XIRP2: variants seen among roughly 807,000 people sequenced by gnomAD.
XIRP2 encodes xin actin-binding repeat-containing protein 2.
A neutral mutation model predicts 277.0 loss-of-function variants in XIRP2; 236 were observed. The ratio of observed to expected loss-of-function variants is 0.85; its 90% CI spans 0.77 to 0.95. XIRP2 has a LOEUF of 0.95. Among genes scored for constraint, XIRP2 ranks in the 40% least tolerant of loss-of-function variants. The pLI, the probability that XIRP2 is intolerant of heterozygous loss-of-function variation, is 0.00. For missense variants in XIRP2, 4,640 were observed against 4,157.5 expected, an observed-to-expected ratio of 1.12 and a Z score of -3.19; for synonymous variants, 1,490 against 1,416.5, an observed-to-expected ratio of 1.05 and a Z score of -1.17.
At chr2:167,011,189 T>A (rs997843081) in intron 2 of XIRP2, among the ~76,000 whole-genome samples, 159 of 151,186 alleles carry the variant, frequency 1.1e-3, no homozygotes, top group Middle Eastern at 3.4e-3. Context: ...GCCCATTCAG[T>A]ATGATATTGG....
chr2:167,015,979 C>G (rs780516286), intron 2 of XIRP2, among the ~76,000 whole-genome samples: 1 of 151,836 alleles, frequency 6.6e-6, no homozygotes, highest in Non-Finnish European at 1.5e-5. Flanking sequence ...ATCCAACTCT[C>G]TCTTCCATAA....
At chr2:167,113,889 C>T (rs1690826077) in intron 2 of XIRP2, among the ~76,000 whole-genome samples, 1 of 152,170 alleles carries the variant, frequency 6.6e-6, no homozygotes, top group Non-Finnish European at 1.5e-5. Context: ...ATTTCTCCTT[C>T]ACTTATGAAG....
intron 2 of XIRP2, among the ~76,000 whole-genome samples, chr2:167,020,267 A>G (rs1574170224): frequency 6.6e-6 from 1 of 152,032 alleles, no homozygotes. Flanking sequence ...AAGTTTATGA[A>G]TGAATTTTGT....
At chr2:167,087,199 G>A (rs898298009) in intron 2 of XIRP2, among the ~76,000 whole-genome samples, 1 of 152,168 alleles carries the variant, frequency 6.6e-6, no homozygotes, top group Admixed American at 6.5e-5. Context: ...GGAATACCCT[G>A]CCGTGTGAGG....
At chr2:166,907,849 G>A (rs1231933442) in intron 2 of XIRP2, among the ~76,000 whole-genome samples, 1 of 143,672 alleles carries the variant, frequency 7.0e-6, no homozygotes, top group Non-Finnish European at 1.5e-5. Flanking sequence ...CCACCTATGA[G>A]TGAGAACATG....
intron 4 of XIRP2, among the ~76,000 whole-genome samples, 193 bp downstream of exon 4, chr2:167,211,088 T>C (rs73029720): frequency 0.079 from 12,020 of 152,226 alleles, 621 homozygotes; most frequent in East Asian, 0.23. Context: ...TGTGTGAATC[T>C]GAACTACTAT....
At chr2:166,913,315 C>CCA (rs1574073717) in intron 2 of XIRP2, among the ~76,000 whole-genome samples, 1 of 130,502 alleles carries the variant, frequency 7.7e-6, no homozygotes, top group Non-Finnish European at 1.7e-5. Flanking sequence ...TGGGCACCCC[C>CCA]CCCCCCCAGC....
At chr2:166,998,427 G>A (rs1342822087) in intron 2 of XIRP2, among the ~76,000 whole-genome samples, 1 of 152,054 alleles carries the variant, frequency 6.6e-6, no homozygotes, top group East Asian at 1.9e-4. Context: ...CGCAAGGTCA[G>A]GAGATCGAGA....
intron 2 of XIRP2, among the ~76,000 whole-genome samples, chr2:167,038,161 T>C (rs1195749445): frequency 2.0e-5 from 3 of 152,002 alleles, no homozygotes; most frequent in African/African-American, 7.2e-5. Context: ...GTTATGTGCA[T>C]TTTTGAATAA....
chr2:166,978,063 T>C (rs1350100118), intron 2 of XIRP2, among the ~76,000 whole-genome samples: 1 of 152,238 alleles, frequency 6.6e-6, no homozygotes, highest in Non-Finnish European at 1.5e-5. Flanking sequence ...TATGTGTTCA[T>C]GAAAGTAGTC....
chr2:167,041,487 T>C (rs1688660388), intron 2 of XIRP2, among the ~76,000 whole-genome samples: 1 of 152,154 alleles, frequency 6.6e-6, no homozygotes, highest in African/African-American at 2.4e-5. Flanking sequence ...TGAACTGACC[T>C]TCTAGAGTTG....
chr2:167,075,084 G>T (rs1046369798), intron 2 of XIRP2, among the ~76,000 whole-genome samples: 1 of 152,188 alleles, frequency 6.6e-6, no homozygotes, highest in African/African-American at 2.4e-5. Context: ...ATTTGGATGT[G>T]TATGTATGGA....
chr2:167,172,713 T>G (rs1211222948), intron 3 of XIRP2, among the ~76,000 whole-genome samples: 1 of 152,246 alleles, frequency 6.6e-6, no homozygotes, highest in Non-Finnish European at 1.5e-5. Context: ...ATTTCCCTTA[T>G]TCTCTGAACA....
Position 167,242,676 on chromosome 2 carries a change from T to C in XIRP2, c.1284T>C (p.Tyr428=), listed in dbSNP as rs367946995. The C allele has an allele frequency of 5.4e-5, 87 of 1,614,138 alleles. 1 individual carries two copies. In the East Asian group the frequency reaches 1.6e-3, roughly 29 times the overall value. ...SQRKETSTTR[Y]SDHSVTSSTL... is the part of the protein sequence containing the mutation. ...GGAAGGAAACATCAACTACAAGATA[T>C]AGTGATCACAGTGTCACTTCCTCAA... Residue 428 remains tyrosine, a synonymous_variant, in exon 9 of 11, where the codon TAT becomes TAC. Transcript: ENST00000409195.
At chr2:166,901,930 T>C (rs765582664) in intron 1 of XIRP2, among the ~76,000 whole-genome samples, 3 of 152,140 alleles carry the variant, frequency 2.0e-5, no homozygotes, top group Non-Finnish European at 4.4e-5. Flanking sequence ...AGGTATAGTA[T>C]CAATATTTGA....
chr2:166,939,007 C>A, intron 2 of XIRP2, among the ~76,000 whole-genome samples: 1 of 152,138 alleles, frequency 6.6e-6, no homozygotes, highest in Non-Finnish European at 1.5e-5. Context: ...GGTGGGTCTC[C>A]TGAATACAGC....
Position 167,244,934 on chromosome 2 carries a change from A to T in XIRP2, c.3542A>T (p.Glu1181Val). Residue 1181 changes from glutamate (E) to valine (V), a missense_variant, in exon 9 of 11, where the codon GAA becomes GTA. Glu to Val is a moderately radical substitution (Grantham distance 121, BLOSUM62 -2). Transcript: ENST00000409195. ...AATTTGGACAGCATACAAGGAGAAG[A>T]AGTGAAGGAAATCAAGCCTGTTGAA... ...TENLDSIQGE[E>V]VKEIKPVEMD... 2 of 1,612,564 alleles carry T rather than the reference A, an allele frequency of 1.2e-6. No individual in the cohort carries two copies. The highest frequency in any genetic ancestry group is 1.7e-6 in the Non-Finnish European group (2 of 1,179,518).
chr2:167,250,358 G>A lies in XIRP2; in HGVS notation c.8966G>A (p.Ser2989Asn). Residue 2989 changes from serine to asparagine, a missense_variant, in exon 9 of 11, where the codon AGT becomes AAT. Physicochemically the swap from Ser to Asn is conservative, Grantham distance 46. Coordinates refer to ENST00000409195, the MANE Select transcript of XIRP2 (RefSeq NM_152381.6). ...LLNTIPGWLI[S>N]EDKREYAVHI... ...AATACTATCCCAGGATGGCTGATAA[G>A]TGAAGATAAGAGAGAATATGCAGTT... is the stretch of plus-strand genomic sequence containing the variant. 6.2e-7 allele frequency: 1 copy of A among 1,613,580 alleles called. No individual in the cohort carries two copies. Among genetic ancestry groups the A allele is most frequent in the Non-Finnish European group, 8.5e-7 (1 of 1,179,702 alleles).
At chr2:166,909,412 CTGTT>C (rs1375206669) in intron 2 of XIRP2, among the ~76,000 whole-genome samples, 6 of 152,216 alleles carry the variant, frequency 3.9e-5, no homozygotes, top group East Asian at 1.9e-4. Context: ...ATTTGGCTCT[CTGTT>C]TGTCTGTTAT....
Sources: allele counts gnomAD v4.1 joint callset (sites outside exome capture counted in the v4.1 genomes callset), GRCh38; gene constraint gnomAD v4.1.1; transcripts MANE v1.5; gene names NCBI Gene and HGNC (gene_info 2026-07-23, HGNC 2026-07-21).